Variants in RANBP3 observed in about 807,000 individuals in gnomAD.
RANBP3 encodes RAN binding protein 3, also known as ran-binding protein 3.
A neutral mutation model predicts 77.3 loss-of-function variants in RANBP3; 14 were observed. The observed-to-expected ratio is 0.18, with a 90% CI of 0.12 to 0.28. RANBP3 has a LOEUF of 0.28. Among genes scored for constraint, RANBP3 ranks in the 10% least tolerant of loss-of-function variants. RANBP3 has a pLI of 1.00. For missense variants in RANBP3, 586 were observed against 752.3 expected (o/e 0.78, Z 2.59); for synonymous variants, 315 against 312.4 (o/e 1.01, Z -0.09).
chr19:5,923,803 C>T lies in RANBP3; in HGVS notation c.1099+9G>A, dbSNP rs1233741105. ...ATGAGCCCCATGCTGTGGTGGGACGCTAACATACCTTTCTCAGGGGTGGCC... is the reference window on the plus strand; with the variant it reads ...ATGAGCCCCATGCTGTGGTGGGACGTTAACATACCTTTCTCAGGGGTGGCC... On this transcript the variant is annotated intron_variant, in intron 12 of 16. Transcript: ENST00000340578. 3 of 1,601,166 alleles carry T rather than the reference C, an allele frequency of 1.9e-6. No individual in the cohort carries two copies. In the South Asian group the frequency reaches 3.3e-5, roughly 18 times the overall value.
chr19:5,957,327 G>C (rs745497250), intron 2 of RANBP3, among the ~76,000 whole-genome samples: 1 of 152,184 alleles, frequency 6.6e-6, no homozygotes, highest in Non-Finnish European at 1.5e-5. Context: ...TCATCGCCAT[G>C]AATCAGGCGA....
rs562657082 is a variant in RANBP3 at position 5,952,068 on chromosome 19, AGGGTCAAGGGCTTCTGCCTCTCGCCG to A, written c.79-498_79-473del. 1.6e-3 allele frequency among the ~76,000 whole-genome samples: 239 copies of A among 152,304 alleles called. 1 individual carries two copies. The highest frequency in any genetic ancestry group is 5.3e-3 in the African/African-American group (219 of 41,566). On this transcript the variant is annotated intron_variant, in intron 2 of 16. Transcript: ENST00000340578. This position sits in a 1 kb window ranked among gnomAD's most constrained non-coding sequence, Gnocchi z 4.1. ...AAGTTAGGGAGAAACCAGGGAGGCC[AGGGTCAAGGGCTTCTGCCTCTCGCCG>A]GGGTCAAGGGCTTCTGCCTCTCACT...
At chr19:5,933,830 C>CG (rs2058029197) in intron 5 of RANBP3, 1 of 197,488 alleles carries the variant, frequency 5.1e-6, no homozygotes, top group Non-Finnish European at 1.0e-5. Context: ...CAGGGAGCCA[C>CG]GGAACACAGG....
At chr19:5,967,979 T>A (rs1470517918) in intron 1 of RANBP3, among the ~76,000 whole-genome samples, 5 of 151,724 alleles carry the variant, frequency 3.3e-5, no homozygotes, top group African/African-American at 1.2e-4. Context: ...ATAGCACCAC[T>A]GCACTCCAGC....
chr19:5,950,474 G>C (rs2058261473), intron 3 of RANBP3: 1 of 152,570 alleles, frequency 6.6e-6, no homozygotes, highest in African/African-American at 2.4e-5. Context: ...TTTGGTGGCT[G>C]TAGCTGAATG....
chr19:5,976,736 C>A (rs1568487277), intron 1 of RANBP3, among the ~76,000 whole-genome samples: 1 of 152,156 alleles, frequency 6.6e-6, no homozygotes, highest in Non-Finnish European at 1.5e-5. Flanking sequence ...GAGCTAGACT[C>A]CGTCCCAAAA....
Position 5,917,779 on chromosome 19 carries a change from GACC to G in RANBP3, c.1660+12_1660+14del. The G allele has an allele frequency of 6.2e-7, 1 of 1,601,204 alleles. No individual in the cohort carries two copies. The highest frequency in any genetic ancestry group is 1.7e-5 in the Admixed American group (1 of 59,310). ...CTCTTTCTATCCCCCCCAGGGTAGG[GACC>G]ACCCGACTCACCAGCTGCGGTGGCC... On this transcript the variant is annotated intron_variant, in intron 16 of 16. Coordinates refer to ENST00000340578, the MANE Select transcript of RANBP3 (RefSeq NM_007322.3).
chr19:5,924,910 AGAG>A lies in RANBP3; in HGVS notation c.918-8_918-6del, dbSNP rs767503504. 6.2e-7 allele frequency: 1 copy of A among 1,612,816 alleles called. No individual in the cohort carries two copies. Among genetic ancestry groups the A allele is most frequent in the South Asian group, 1.1e-5 (1 of 91,052 alleles). On this transcript the variant is annotated splice_region_variant and splice_polypyrimidine_tract_variant and intron_variant, in intron 10 of 16. Coordinates refer to ENST00000340578, the MANE Select transcript of RANBP3 (RefSeq NM_007322.3). The surrounding 1 kb of genome is among the most constrained non-coding windows in gnomAD (Gnocchi z 4.7). ...CTATTGGTTGAGTTCTCTAAACTGA[AGAG>A]AAGATGTGCAATGAGTGTGGGGCGT... is the stretch of plus-strand genomic sequence containing the variant.
chr19:5,922,248 A>C (rs894230805), intron 13 of RANBP3, among the ~76,000 whole-genome samples: 1 of 152,232 alleles, frequency 6.6e-6, no homozygotes, highest in Non-Finnish European at 1.5e-5. Context: ...TTGTATATAT[A>C]AACAAAGAAA....
chr19:5,947,320 AAAAAAAAAG>A (rs1232487834), intron 3 of RANBP3, among the ~76,000 whole-genome samples: 2 of 151,596 alleles, frequency 1.3e-5, no homozygotes, highest in East Asian at 3.9e-4. Flanking sequence ...TCTCAAAAAA[AAAAAAAAAG>A]AAAGAAAAGA....
intron 9 of RANBP3, among the ~76,000 whole-genome samples, chr19:5,926,479 A>G (rs1320039765): frequency 6.6e-6 from 1 of 152,098 alleles, no homozygotes; most frequent in Non-Finnish European, 1.5e-5. Context: ...TGAACCCAGG[A>G]GGTGGAGGTT....
intron 3 of RANBP3, among the ~76,000 whole-genome samples, chr19:5,944,039 G>C (rs1474157403): frequency 2.0e-5 from 3 of 152,042 alleles, no homozygotes; most frequent in Non-Finnish European, 2.9e-5. Flanking sequence ...CCAGCCTTCG[G>C]TCTCCTCACC....
At chr19:5,977,948 G>C (rs2058617280) in intron 1 of RANBP3, 113 bp downstream of exon 1, 19 of 1,382,240 alleles carry the variant, frequency 1.4e-5, no homozygotes, top group Non-Finnish European at 1.7e-5. Flanking sequence ...CGCTAGCCTG[G>C]AGCGGACGAA....
chr19:5,968,055 T>G (rs540383549), intron 1 of RANBP3, among the ~76,000 whole-genome samples: 1 of 151,896 alleles, frequency 6.6e-6, no homozygotes, highest in Admixed American at 6.6e-5. Context: ...AAAAACTGCG[T>G]GGAGAGATGG....
chr19:5,935,345 A>C (rs543937521), intron 5 of RANBP3, among the ~76,000 whole-genome samples: 69 of 152,324 alleles, frequency 4.5e-4, no homozygotes, highest in South Asian at 3.3e-3. Flanking sequence ...ACTGGTCATA[A>C]AAAAACAAAC....
rs556321512 is a variant in RANBP3, at chr19:5,954,992, G to A, written c.78+2926C>T. Among the ~76,000 whole-genome samples the A allele has an allele frequency of 3.0e-4, 45 of 152,314 alleles. No homozygotes were observed. The South Asian group carries it at 9.1e-3, about 31-fold the overall frequency. On this transcript the variant is annotated intron_variant, in intron 2 of 16. Coordinates refer to ENST00000340578, the MANE Select transcript of RANBP3 (RefSeq NM_007322.3). ...GTTTCCCACATGCCTCTTCAGCGACGGTGCCACAGAAGTGCGAGTGACAGA... is the reference window on the plus strand; with the variant it reads ...GTTTCCCACATGCCTCTTCAGCGACAGTGCCACAGAAGTGCGAGTGACAGA...
chr19:5,939,603 G>T (rs559425997), intron 5 of RANBP3, among the ~76,000 whole-genome samples: 1 of 152,318 alleles, frequency 6.6e-6, no homozygotes, highest in African/African-American at 2.4e-5. Flanking sequence ...GGAGGTGCAG[G>T]CGGGGGAGGG....
At chr19:5,947,347 A>C (rs1252944992) in intron 3 of RANBP3, among the ~76,000 whole-genome samples, 1 of 151,904 alleles carries the variant, frequency 6.6e-6, no homozygotes, top group Non-Finnish European at 1.5e-5. Context: ...AGAAAAGAAA[A>C]AAGAAAGAAA....
chr19:5,949,392 C>G (rs1290473392), intron 3 of RANBP3, among the ~76,000 whole-genome samples: 2 of 152,184 alleles, frequency 1.3e-5, no homozygotes, highest in Non-Finnish European at 2.9e-5. Context: ...AACAGGAGCC[C>G]TTAGCAACCA....
Sources: allele counts gnomAD v4.1 joint callset (sites outside exome capture counted in the v4.1 genomes callset), GRCh38; gene constraint gnomAD v4.1.1; non-coding constraint Gnocchi (gnomAD v3.1); transcripts MANE v1.5; gene names NCBI Gene and HGNC (gene_info 2026-07-23, HGNC 2026-07-21).